The following WWC2 variants were observed in gnomAD, a reference collection of about 807,000 sequenced individuals.
WWC2 encodes WW and C2 domain containing 2, also known as protein WWC2.
WWC2 carries 101 observed loss-of-function variants against 138.5 expected under a neutral mutation model. That is an observed-to-expected ratio of 0.73 (90% CI 0.62 to 0.86). The LOEUF (loss-of-function observed/expected upper bound fraction) is 0.86, where lower values mean the gene tolerates loss of function less well. Among genes scored for constraint, WWC2 ranks in the 40% least tolerant of loss-of-function variants. WWC2 has a pLI of 0.00. For synonymous variants in WWC2, 558 were observed against 538.4 expected (o/e 1.04, Z -0.50); for missense variants, 1,420 against 1,419.4 (o/e 1.00, Z -0.01).
intron 1 of WWC2, among the ~76,000 whole-genome samples, chr4:183,180,109 A>G (rs1173868024): frequency 3.3e-5 from 5 of 152,156 alleles, no homozygotes; most frequent in Non-Finnish European, 7.4e-5. Flanking sequence ...GAAACTATAA[A>G]AGGGGCAGGA....
At chr4:183,183,862 T>G (rs1734716031) in intron 1 of WWC2, among the ~76,000 whole-genome samples, 1 of 152,200 alleles carries the variant, frequency 6.6e-6, no homozygotes, top group Admixed American at 6.5e-5. Context: ...GTATTTGGCG[T>G]TTCTTTTTAT....
intron 2 of WWC2, among the ~76,000 whole-genome samples, chr4:183,201,982 G>C (rs1205220876): frequency 3.9e-5 from 6 of 152,144 alleles, no homozygotes; most frequent in African/African-American, 1.2e-4. Context: ...ACACCATTCT[G>C]GGCCACATAG....
chr4:183,118,603 A>T (rs971337813), intron 1 of WWC2, among the ~76,000 whole-genome samples: 3 of 152,242 alleles, frequency 2.0e-5, no homozygotes, highest in Admixed American at 2.0e-4. Context: ...GGACAAATAC[A>T]TGAATCTTAA....
chr4:183,162,381 T>G (rs1580000986), intron 1 of WWC2, among the ~76,000 whole-genome samples: 1 of 152,232 alleles, frequency 6.6e-6, no homozygotes, highest in South Asian at 2.1e-4. Flanking sequence ...TTAAAATTAC[T>G]TTGCATATTT....
chr4:183,110,363 T>A (rs1191183208), intron 1 of WWC2, among the ~76,000 whole-genome samples: 1 of 152,080 alleles, frequency 6.6e-6, no homozygotes, highest in African/African-American at 2.4e-5. Flanking sequence ...AAGCAAAAAA[T>A]TATTCCATAT....
chr4:183,276,258 T>A (rs1339213858), intron 16 of WWC2, among the ~76,000 whole-genome samples: 5 of 152,110 alleles, frequency 3.3e-5, no homozygotes, highest in African/African-American at 1.2e-4. Context: ...TTTTGTTTCA[T>A]TATCCAGTCT....
At chr4:183,187,108 G>C (rs1441444119) in intron 1 of WWC2, among the ~76,000 whole-genome samples, 3 of 152,026 alleles carry the variant, frequency 2.0e-5, no homozygotes, top group African/African-American at 4.8e-5. Context: ...TCCTCACCTT[G>C]GCTCCCCAGG....
At chr4:183,179,450 A>G (rs1360905409) in intron 1 of WWC2, among the ~76,000 whole-genome samples, 2 of 152,194 alleles carry the variant, frequency 1.3e-5, no homozygotes, top group Non-Finnish European at 2.9e-5. Flanking sequence ...TGTAACAACT[A>G]GTTAGGAAGT....
At chr4:183,144,126 T>C (rs950399775) in intron 1 of WWC2, among the ~76,000 whole-genome samples, 1 of 152,244 alleles carries the variant, frequency 6.6e-6, no homozygotes, top group Admixed American at 6.5e-5. Context: ...AGTTGATATG[T>C]CACTTGCATT....
chr4:183,121,356 TA>T (rs953833457), intron 1 of WWC2, among the ~76,000 whole-genome samples: 4 of 151,714 alleles, frequency 2.6e-5, no homozygotes, highest in African/African-American at 9.7e-5. Context: ...TTTTTTTTTT[TA>T]AATTTTGGAA....
At chr4:183,211,866 GGC>G (rs1185685605) in intron 4 of WWC2, among the ~76,000 whole-genome samples, 1 of 151,312 alleles carries the variant, frequency 6.6e-6, no homozygotes, top group East Asian at 1.9e-4. Flanking sequence ...CTGTTTCCCA[GGC>G]TGGAGTACAG....
At chr4:183,258,966 CT>C (rs3830484) in intron 9 of WWC2, among the ~76,000 whole-genome samples, 54,433 of 151,776 alleles carry the variant, frequency 0.36, 9,847 homozygotes, top group South Asian at 0.48. Flanking sequence ...ATGCTGTACT[CT>C]TAAAAAAAAG....
At chr4:183,222,927 C>G (rs1735972175) in intron 4 of WWC2, among the ~76,000 whole-genome samples, 1 of 152,116 alleles carries the variant, frequency 6.6e-6, no homozygotes, top group South Asian at 2.1e-4. Flanking sequence ...GATTGTGCCA[C>G]TGTACTCCAG....
intron 20 of WWC2, among the ~76,000 whole-genome samples, chr4:183,289,108 C>T (rs1738348929): frequency 6.6e-6 from 1 of 152,202 alleles, no homozygotes; most frequent in Non-Finnish European, 1.5e-5. Flanking sequence ...TTGCTCTTAC[C>T]CAGGGCCCAT....
intron 21 of WWC2, among the ~76,000 whole-genome samples, chr4:183,297,126 C>A (rs1408345833): frequency 6.6e-6 from 1 of 151,828 alleles, no homozygotes; most frequent in Non-Finnish European, 1.5e-5. Context: ...AGGCAGACAC[C>A]ACCACACTCA....
intron 1 of WWC2, among the ~76,000 whole-genome samples, chr4:183,150,390 A>G (rs1733604202): frequency 6.6e-6 from 1 of 152,204 alleles, no homozygotes; most frequent in Admixed American, 6.5e-5. Context: ...TCTCAAAATC[A>G]AAGTCTGAGT....
At chr4:183,198,189 T>G (rs1735196021) in intron 2 of WWC2, among the ~76,000 whole-genome samples, 1 of 152,036 alleles carries the variant, frequency 6.6e-6, no homozygotes, top group Non-Finnish European at 1.5e-5. Flanking sequence ...GTTGACAGAG[T>G]GAGACCCTGT....
rs1195642363 is a variant in WWC2, at chr4:183,113,509, T to C, written c.131+13887T>C. On this transcript the variant is annotated intron_variant, in intron 1 of 22. Transcript: ENST00000403733. The stretch of plus-strand genomic sequence containing the variant: ...GTGTGTGTGTGTGTGTGTGTGTGTG[T>C]GTGTGTGCGCGCGCGTGCGCGCGCA... Among the ~76,000 whole-genome samples the C allele has an allele frequency of 9.3e-5, 13 of 139,754 alleles. No individual in the cohort carries two copies. The East Asian group carries it at 1.0e-3, about 11-fold the overall frequency. 91.7% of individuals were successfully genotyped at this position (139,754 alleles called of 152,430 possible). A position where few individuals can be genotyped will look rare whatever the true frequency, so the allele number is the denominator to read the frequency against.
At chr4:183,204,969 T>C (rs1469495899) in intron 2 of WWC2, among the ~76,000 whole-genome samples, 1 of 152,254 alleles carries the variant, frequency 6.6e-6, no homozygotes, top group Non-Finnish European at 1.5e-5. Context: ...TAGTATTTTA[T>C]TGTATGGATA....
Sources: allele counts gnomAD v4.1 joint callset (sites outside exome capture counted in the v4.1 genomes callset), GRCh38; gene constraint gnomAD v4.1.1; transcripts MANE v1.5; gene names NCBI Gene and HGNC (gene_info 2026-07-23, HGNC 2026-07-21).